Variants in USP30 observed in about 807,000 individuals in gnomAD.
USP30 encodes the protein ubiquitin specific peptidase 30.
USP30 carries 41 observed loss-of-function variants against 68.2 expected under a neutral mutation model. The observed-to-expected ratio is 0.60, with a 90% CI of 0.47 to 0.78. The LOEUF is 0.78. Among genes scored for constraint, USP30 ranks in the 30% least tolerant of loss-of-function variants. The probability of loss-of-function intolerance (pLI) is 0.00; values close to 1 mark genes in which losing one functional copy is unlikely to be tolerated. For synonymous variants in USP30, 229 were observed against 253.7 expected (o/e 0.90, Z 0.93); for missense variants, 522 against 649.4 (o/e 0.80, Z 2.13).
At chr12:109,057,239 G>A (rs1177132653) in intron 2 of USP30, among the ~76,000 whole-genome samples, 2 of 151,546 alleles carry the variant, frequency 1.3e-5, no homozygotes, top group African/African-American at 4.9e-5. Flanking sequence ...GTGGCTCTAT[G>A]TAACATTGAT....
intron 4 of USP30, 122 bp from the exon 5 acceptor site, chr12:109,071,490 C>T: frequency 1.4e-6 from 1 of 730,308 alleles, no homozygotes; most frequent in Non-Finnish European, 2.3e-6. Context: ...TGAGCTGGGC[C>T]TTGAGAAGGT....
At chr12:109,062,328 CTTTTTTTTTTTTT>C (rs773303115) in intron 3 of USP30, among the ~76,000 whole-genome samples, 1 of 103,068 alleles carries the variant, frequency 9.7e-6, no homozygotes, top group African/African-American at 4.4e-5. Flanking sequence ...ACCTCCTTCA[CTTTTTTTTTTTTT>C]TTTTTTTTTT....
chr12:109,083,245 T>C lies in USP30; in HGVS notation c.1168+183T>C, dbSNP rs554038991. Among the ~76,000 whole-genome samples the C allele has an allele frequency of 5.8e-4, 88 of 152,340 alleles. 1 individual carries two copies. In the South Asian group the frequency reaches 0.017, roughly 30 times the overall value. On this transcript the variant is annotated intron_variant, in intron 11 of 12. Transcript: ENST00000257548. The stretch of plus-strand genomic sequence containing the variant: ...GATTTCTTAGAAGAGGTTAAAATTA[T>C]GTAGCAGTGAGATGTATCGTTTTTG...
chr12:109,035,097 T>C (rs974847340), intron 3 of USP30, among the ~76,000 whole-genome samples: 1 of 152,180 alleles, frequency 6.6e-6, no homozygotes, highest in Non-Finnish European at 1.5e-5. Context: ...TTGTAGAATA[T>C]AATACACTCA....
Position 109,081,974 on chromosome 12 carries a change from CT to C in USP30, c.823del (p.Ser275HisfsTer22). ...TLDHCLHHFISSESVRDVVCD... is the reference protein window; with the variant it reads ...TLDHCLHHFIXSESVRDVVCD... ...TGGACCACTGCCTTCACCACTTCAT[CT>C]CATCAGAATCAGTGCGGGATGTTGT... On this transcript the variant is annotated frameshift_variant, in exon 9 of 13. Transcript: ENST00000257548. LOFTEE classifies it high-confidence loss of function. 6.2e-7 allele frequency: 1 copy of C among 1,614,264 alleles called. No homozygotes were observed. Among genetic ancestry groups the C allele is most frequent in the Non-Finnish European group, 8.5e-7 (1 of 1,180,052 alleles).
In USP30 at chr12:109,052,580, C is replaced by T. The variant is rs1391078154; in HGVS notation, c.-99C>T. 14 of 1,253,178 alleles carry T rather than the reference C, an allele frequency of 1.1e-5. No homozygotes were observed. Among genetic ancestry groups the T allele is most frequent in the Non-Finnish European group, 2.1e-6 (2 of 958,360 alleles). The allele number at this position is 1,253,178 out of a possible 1,614,324, so 77.6% of individuals were successfully genotyped here. On this transcript the variant is annotated 5_prime_UTR_variant, in exon 1 of 13. Coordinates refer to ENST00000257548, the MANE Select transcript of USP30 (RefSeq NM_032663.5). ...TTCCCCCGAGGTGCTGGGACTGCGG[C>T]CGCAGGTTCCGCTGTCTCGGGAACC...
intron 3 of USP30, among the ~76,000 whole-genome samples, chr12:109,029,754 G>A (rs1260981949): frequency 6.6e-6 from 1 of 152,144 alleles, no homozygotes; most frequent in African/African-American, 2.4e-5. Context: ...CCAAGATGAC[G>A]GTGCTCCTAC....
intron 8 of USP30, 98 bp downstream of exon 8, chr12:109,081,491 A>C: frequency 8.2e-7 from 1 of 1,212,298 alleles, no homozygotes; most frequent in Non-Finnish European, 1.2e-6. Flanking sequence ...ACTATGTGTA[A>C]TTCAGATACA....
At chr12:109,069,272 G>A (rs1218151972) in intron 4 of USP30, among the ~76,000 whole-genome samples, 2 of 152,170 alleles carry the variant, frequency 1.3e-5, no homozygotes, top group African/African-American at 2.4e-5. Flanking sequence ...ATCCTTTCTC[G>A]GATCTGCTTC....
intron 1 of USP30, among the ~76,000 whole-genome samples, chr12:109,054,315 G>A (rs142164192): frequency 6.6e-6 from 1 of 152,164 alleles, no homozygotes; most frequent in East Asian, 1.9e-4. Flanking sequence ...GAGCTCAGGA[G>A]TTCGAGACCA....
chr12:109,045,004 T>C (rs2040592279), intron 3 of USP30, among the ~76,000 whole-genome samples: 1 of 150,468 alleles, frequency 6.6e-6, no homozygotes, highest in East Asian at 2.0e-4. Context: ...TTTTTTTTTT[T>C]TTTTTTTCTG....
intron 1 of USP30, among the ~76,000 whole-genome samples, chr12:109,024,474 C>T (rs1465222287): frequency 1.3e-5 from 2 of 151,796 alleles, no homozygotes; most frequent in African/African-American, 2.4e-5. Flanking sequence ...CCCAGGCTGG[C>T]CTCAAACTCG....
chr12:109,053,673 C>A, intron 1 of USP30: 1 of 198,880 alleles, frequency 5.0e-6, no homozygotes, highest in Non-Finnish European at 1.0e-5. Flanking sequence ...GGAAGTGTGG[C>A]CCCATAGCTG....
In USP30 at chr12:109,062,328, C is replaced by CTTTT. The variant is rs773303115; in HGVS notation, c.376+4241_376+4244dup. Among the ~76,000 whole-genome samples the CTTTT allele has an allele frequency of 5.5e-4, 57 of 103,072 alleles. 1 individual carries two copies. Among genetic ancestry groups the CTTTT allele is most frequent in the African/African-American group, 9.6e-4 (22 of 22,922 alleles). The allele number at this position is 103,072 out of a possible 152,430, so 67.6% of individuals were successfully genotyped here. On this transcript the variant is annotated intron_variant, in intron 3 of 12. Coordinates refer to ENST00000257548, the MANE Select transcript of USP30 (RefSeq NM_032663.5). Reference sequence around the variant, plus strand: ...AGTACATGTAGCTCTACCTCCTTCACTTTTTTTTTTTTTTTTTTTTTTTTG... The same window carrying CTTTT: ...AGTACATGTAGCTCTACCTCCTTCACTTTTTTTTTTTTTTTTTTTTTTTTTTTTG...
intron 3 of USP30, among the ~76,000 whole-genome samples, chr12:109,031,550 A>G (rs184921553): frequency 7.9e-5 from 12 of 152,368 alleles, no homozygotes; most frequent in Admixed American, 6.5e-4. Context: ...GTGAACAACA[A>G]ATGTTCATAG....
upstream of USP30, among the ~76,000 whole-genome samples, chr12:109,048,594 G>C (rs917991735): frequency 3.3e-5 from 5 of 151,806 alleles, no homozygotes; most frequent in Non-Finnish European, 5.9e-5. Context: ...ACAAAAATTA[G>C]CCAGGCGTGG....
In USP30 at chr12:109,074,805, C is replaced by T. The variant is rs192584701; in HGVS notation, c.720+1273C>T. On this transcript the variant is annotated intron_variant, in intron 7 of 12. Transcript: ENST00000257548. ...AATACAGTATTATTAACTGTAGTCACCATGCTGTACGTTAACTCTCCAGAA... is the reference window on the plus strand; with the variant it reads ...AATACAGTATTATTAACTGTAGTCATCATGCTGTACGTTAACTCTCCAGAA... 3.7e-4 allele frequency among the ~76,000 whole-genome samples: 56 copies of T among 152,300 alleles called. 1 individual carries two copies. The highest frequency in any genetic ancestry group is 1.3e-3 in the African/African-American group (52 of 41,560).
Position 109,079,351 on chromosome 12 carries a change from C to CTTTTTTTTTTTTTTTTTTTTTTTTTTTTT in USP30, c.721-1955_721-1954insTTTTTTTTTTTTTTTTTTTTTTTTTTTTT, listed in dbSNP as rs71079521. ...TTCTTTTCTTTTTCTTTTTTTTTTT[C>CTTTTTTTTTTTTTTTTTTTTTTTTTTTTT]TTTTTTTTTTTTTTTTTTTTTTTTT... On this transcript the variant is annotated intron_variant, in intron 7 of 12. Transcript: ENST00000257548. Among the ~76,000 whole-genome samples the CTTTTTTTTTTTTTTTTTTTTTTTTTTTTT allele has an allele frequency of 2.2e-3, 107 of 48,806 alleles. 13 individuals carry two copies. Among genetic ancestry groups the CTTTTTTTTTTTTTTTTTTTTTTTTTTTTT allele is most frequent in the Middle Eastern group, 0.021 (1 of 48 alleles). 32.0% of individuals were successfully genotyped at this position (48,806 alleles called of 152,430 possible).
At chr12:109,061,663 G>T (rs1184731089) in intron 3 of USP30, among the ~76,000 whole-genome samples, 2 of 152,032 alleles carry the variant, frequency 1.3e-5, no homozygotes, top group Admixed American at 6.6e-5. Context: ...GCCTGCCTTG[G>T]CCTCCCAGAG....
Sources: gnomAD v4.1 joint callset for allele counts (sites outside exome capture counted in the v4.1 genomes callset) on GRCh38, gnomAD v4.1.1 for gene constraint, MANE v1.5 for transcripts, NCBI Gene and HGNC (gene_info 2026-07-23, HGNC 2026-07-21) for gene names.